DUXA: variants seen among roughly 807,000 people sequenced by gnomAD.
The protein encoded by DUXA is double homeobox A.
In DUXA, 25 loss-of-function variants were observed where a neutral mutation model predicts 27.5. That is an observed-to-expected ratio of 0.91 (90% CI 0.66 to 1.27). The LOEUF (loss-of-function observed/expected upper bound fraction) is 1.27. Among genes scored for constraint, DUXA ranks in the 50% most tolerant of loss-of-function variants. The pLI is 0.00. For synonymous variants in DUXA, 90 were observed against 80.5 expected, an observed-to-expected ratio of 1.12 and a Z score of -0.63; for missense variants, 247 against 242.9, an observed-to-expected ratio of 1.02 and a Z score of -0.11.
At chr19:57,165,324 A>ATATATATATATATATATATAT (rs1555759590) in intron 1 of DUXA, among the ~76,000 whole-genome samples, 103 of 89,144 alleles carry the variant, frequency 1.2e-3, no homozygotes, top group Admixed American at 2.2e-3. Flanking sequence ...AAAAAAAAAA[A>ATATATATATATATATATATAT]ATATATATAT....
chr19:57,158,505 G>T (rs200973811), intron 3 of DUXA, 32 bp from the exon 4 acceptor site: 1 of 1,605,736 alleles, frequency 6.2e-7, no homozygotes, highest in Admixed American at 1.7e-5. Flanking sequence ...GGAGGGGGGC[G>T]GTCAAGGAAT....
At chr19:57,154,663 A>T (rs949976969) in intron 5 of DUXA, among the ~76,000 whole-genome samples, 181 bp from the exon 6 acceptor site, 2 of 151,052 alleles carry the variant, frequency 1.3e-5, no homozygotes, top group Non-Finnish European at 2.9e-5. Flanking sequence ...TCCCGGGTTC[A>T]CGCCATGCTC....
intron 1 of DUXA, among the ~76,000 whole-genome samples, chr19:57,163,352 G>A (rs6510046): frequency 6.6e-6 from 1 of 151,976 alleles, no homozygotes; most frequent in Non-Finnish European, 1.5e-5. Context: ...TCCCTAGGTT[G>A]CCCAGGCTGT....
At chr19:57,165,318 A>ATATAT (rs1555759520) in intron 1 of DUXA, among the ~76,000 whole-genome samples, 13 of 97,104 alleles carry the variant, frequency 1.3e-4, no homozygotes, top group African/African-American at 4.7e-4. Context: ...GGAAAAAAAA[A>ATATAT]AAAAAAATAT....
intron 1 of DUXA, among the ~76,000 whole-genome samples, chr19:57,166,499 A>G (rs998218609): frequency 3.9e-5 from 6 of 152,106 alleles, no homozygotes; most frequent in Non-Finnish European, 7.4e-5. Flanking sequence ...TAGTAGAGAC[A>G]GGGTTTCACC....
At chr19:57,158,575 A>G in intron 3 of DUXA, 102 bp from the exon 4 acceptor site, 3 of 1,412,078 alleles carry the variant, frequency 2.1e-6, no homozygotes, top group Non-Finnish European at 1.9e-6. Context: ...TCTCCCTCCA[A>G]TTTCGATCCC....
intron 1 of DUXA, among the ~76,000 whole-genome samples, chr19:57,166,845 G>C (rs535236047): frequency 8.5e-5 from 13 of 152,274 alleles, no homozygotes; most frequent in African/African-American, 2.9e-4. Flanking sequence ...GTGTTTTCTA[G>C]ATATGAGGCA....
At chr19:57,166,301 T>TTATG (rs531246996) in intron 1 of DUXA, among the ~76,000 whole-genome samples, 52 of 152,074 alleles carry the variant, frequency 3.4e-4, no homozygotes, top group African/African-American at 6.5e-4. Flanking sequence ...ATAATTTAAT[T>TTATG]TATGTATGTA....
In DUXA at chr19:57,159,201, G is replaced by C. The variant is rs753060863; in HGVS notation, c.258C>G (p.Ser86Arg). 2 of 1,614,112 alleles carry C rather than the reference G, an allele frequency of 1.2e-6. No individual in the cohort carries two copies. Among genetic ancestry groups the C allele is most frequent in the South Asian group, 2.2e-5 (2 of 91,086 alleles). The change falls in exon 3 of 6, where the codon AGC (serine) becomes AGG (arginine). Residue 86 changes from serine to arginine, a missense_variant. By Grantham distance (110) the Ser-to-Arg change is moderately radical (BLOSUM62 -1). Coordinates refer to ENST00000554048, the MANE Select transcript of DUXA (RefSeq NM_001012729.2). ...PEAETLESSQ[S>R]QGQDQPGVEF... ...CCACACCAGGTTGATCTTGCCCCTG[G>C]CTCTGGCTTGATTCTAAAGTCTCAG...
chr19:57,154,146 C>G lies in DUXA; in HGVS notation c.*266G>C. ...CGTCTCTGCCTCCTACAGTCCTTTTCATTTATTTTGTTTTTTTATAATAGA... is the reference window on the plus strand; with the variant it reads ...CGTCTCTGCCTCCTACAGTCCTTTTGATTTATTTTGTTTTTTTATAATAGA... On this transcript the variant is annotated 3_prime_UTR_variant, in exon 6 of 6. Transcript: ENST00000554048. 5.5e-6 allele frequency: 2 copies of G among 364,382 alleles called. No individual in the cohort carries two copies. Among genetic ancestry groups the G allele is most frequent in the Non-Finnish European group, 5.1e-6 (1 of 195,182 alleles). The allele number at this position is 364,382 out of a possible 1,614,324, so 22.6% of individuals were successfully genotyped here.
Position 57,167,411 on chromosome 19 carries a change from G to A in DUXA, c.25+8C>T. On this transcript the variant is annotated splice_region_variant and intron_variant, in intron 1 of 5. Coordinates refer to ENST00000554048, the MANE Select transcript of DUXA (RefSeq NM_001012729.2). ...AACAAAAGCTCAGTCAAGCACAAGG[G>A]AACTTACTGTGTGAATAGGTGTCTT... 6.2e-7 allele frequency: 1 copy of A among 1,613,488 alleles called. No homozygotes were observed. The highest frequency in any genetic ancestry group is 8.5e-7 in the Non-Finnish European group (1 of 1,179,832).
chr19:57,161,388 CCGAGGCGGGCGGAT>C (rs1405758657), intron 1 of DUXA, among the ~76,000 whole-genome samples: 6 of 141,466 alleles, frequency 4.2e-5, no homozygotes, highest in African/African-American at 1.6e-4. Context: ...CTTTGGGAGG[CCGAGGCGGGCGGAT>C]CACAAGGTCA....
Position 57,154,463 on chromosome 19 carries a change from A to G in DUXA, c.564T>C (p.Asn188=). ...EGLQGAEDTQ[N]GTNFTSDSHF... is the part of the protein sequence containing the mutation. ...GAGAGTCACTAGTGAAGTTGGTGCC[A>G]TTTTGTGTATCTTCTGCACCTAAGG... The change falls in exon 6 of 6, where the codon AAT becomes AAC. Residue 188 remains asparagine, a synonymous_variant. Transcript: ENST00000554048. The G allele has an allele frequency of 1.2e-6, 2 of 1,613,626 alleles. No individual in the cohort carries two copies. The highest frequency in any genetic ancestry group is 1.7e-5 in the Admixed American group (1 of 60,006).
Position 57,158,420 on chromosome 19 carries a change from G to C in DUXA, c.346C>G (p.Leu116Val). The C allele has an allele frequency of 1.2e-6, 2 of 1,614,018 alleles. No homozygotes were observed. Among genetic ancestry groups the C allele is most frequent in the Admixed American group, 1.7e-5 (1 of 60,020 alleles). ...GGGTTTTTCATAAATGCCTTGATGA[G>C]AGTGTGTAACTGAGAGGCGCTGTAG... ...TTYSASQLHT[L>V]IKAFMKNPYP... The change falls in exon 4 of 6, where the codon CTC (leucine) becomes GTC (valine). Residue 116 changes from leucine to valine, a missense_variant. Coordinates refer to ENST00000554048, the MANE Select transcript of DUXA (RefSeq NM_001012729.2).
chr19:57,161,441 A>G (rs199715900), intron 1 of DUXA, among the ~76,000 whole-genome samples: 20,541 of 143,338 alleles, frequency 0.14, 1,901 homozygotes, highest in African/African-American at 0.22. Context: ...GGCTAACATG[A>G]TGAAACCCCG....
At chr19:57,159,343 TTCCCAAAGTGAGCAA>T (rs1313541942) in intron 2 of DUXA, 65 bp from the exon 3 acceptor site, 5 of 1,427,102 alleles carry the variant, frequency 3.5e-6, no homozygotes, top group Non-Finnish European at 4.9e-6. Context: ...TCACTGCCTG[TTCCCAAAGTGAGCAA>T]TTCTTATTGG....
intron 1 of DUXA, among the ~76,000 whole-genome samples, chr19:57,165,579 G>A (rs914400815): frequency 1.3e-5 from 2 of 151,418 alleles, no homozygotes; most frequent in African/African-American, 4.8e-5. Flanking sequence ...GCCGAGGCGG[G>A]CAGATCACGA....
At chr19:57,165,165 C>T (rs985017410) in intron 1 of DUXA, among the ~76,000 whole-genome samples, 1 of 151,790 alleles carries the variant, frequency 6.6e-6, no homozygotes, top group Non-Finnish European at 1.5e-5. Flanking sequence ...TAACACCACC[C>T]CTTTCAAAAG....
At chr19:57,159,083 G>A (rs2087007137) in intron 3 of DUXA, 84 bp downstream of exon 3, 1 of 1,190,936 alleles carries the variant, frequency 8.4e-7, no homozygotes. Context: ...GGTCATCAGG[G>A]AGGAGACATT....
Sources: gnomAD v4.1 joint callset for allele counts (sites outside exome capture counted in the v4.1 genomes callset) on GRCh38, gnomAD v4.1.1 for gene constraint, MANE v1.5 for transcripts, NCBI Gene and HGNC (gene_info 2026-07-23, HGNC 2026-07-21) for gene names.